Variants in NUP205 observed in about 807,000 individuals in gnomAD.
NUP205 encodes nucleoporin 205.
In NUP205, 76 loss-of-function variants were observed where a neutral mutation model predicts 253.8. That is an observed-to-expected ratio of 0.30 (90% CI 0.25 to 0.36). The LOEUF is 0.36. Ranked by LOEUF, NUP205 falls within the 10% of genes least tolerant of loss-of-function variation. NUP205 has a pLI of 1.00. For missense variants in NUP205, 2,162 were observed against 2,425.5 expected (o/e 0.89, Z 2.28); for synonymous variants, 832 against 850.1 (o/e 0.98, Z 0.37).
intron 7 of NUP205, among the ~76,000 whole-genome samples, chr7:135,584,094 G>A (rs1173443705): frequency 6.6e-6 from 1 of 152,072 alleles, no homozygotes; most frequent in East Asian, 1.9e-4. Context: ...ACAGGCATGA[G>A]CCACCCTGCC....
chr7:135,566,518 A>T (rs567087313), intron 1 of NUP205, among the ~76,000 whole-genome samples: 1 of 152,314 alleles, frequency 6.6e-6, no homozygotes, highest in East Asian at 1.9e-4. Flanking sequence ...AAAGTGTGGG[A>T]CTAAAGCAGG....
intron 36 of NUP205, 148 bp downstream of exon 36, chr7:135,635,805 T>C (rs912675629): frequency 4.1e-6 from 2 of 487,740 alleles, no homozygotes; most frequent in South Asian, 4.2e-5. Flanking sequence ...TATTGCTGCT[T>C]CTTGATTTTC....
In NUP205 at chr7:135,598,050, C is replaced by T; in HGVS notation, c.2117C>T (p.Ala706Val). ...TGTGAAGAATACCCATTGACTCGGG[C>T]CTTTTGCCAGCTTATTAGTACTCTG... is the stretch of plus-strand genomic sequence containing the variant. ...SRCEEYPLTR[A>V]FCQLISTLVE... The change falls in exon 15 of 43, where the codon GCC becomes GTC. Residue 706 changes from alanine (A) to valine (V), a missense_variant. By Grantham distance (64) the Ala-to-Val change is moderately conservative. This residue lies in a region of NUP205 where 892 missense variants were observed against 957.1 expected (regional missense o/e 0.93). Transcript: ENST00000285968. 6.2e-7 allele frequency: 1 copy of T among 1,614,004 alleles called. No individual in the cohort carries two copies. Among genetic ancestry groups the T allele is most frequent in the South Asian group, 1.1e-5 (1 of 91,076 alleles).
chr7:135,570,285 C>G (rs1805920413), intron 1 of NUP205, among the ~76,000 whole-genome samples: 1 of 151,884 alleles, frequency 6.6e-6, no homozygotes, highest in African/African-American at 2.4e-5. Flanking sequence ...ACGATCCTGG[C>G]TCACTGCAAC....
chr7:135,595,246 G>T (rs541434338), intron 13 of NUP205, among the ~76,000 whole-genome samples: 1 of 151,562 alleles, frequency 6.6e-6, no homozygotes, highest in Non-Finnish European at 1.5e-5. Context: ...TTAAGATAGG[G>T]TCTCGCTGTG....
At chr7:135,640,155 C>A (rs1794891394) in intron 38 of NUP205, among the ~76,000 whole-genome samples, 1 of 152,264 alleles carries the variant, frequency 6.6e-6, no homozygotes. Flanking sequence ...CAGCAAACCA[C>A]CATGGCACAT....
At chr7:135,595,588 G>T (rs1584660774) in intron 13 of NUP205, among the ~76,000 whole-genome samples, 1 of 152,046 alleles carries the variant, frequency 6.6e-6, no homozygotes, top group Non-Finnish European at 1.5e-5. Flanking sequence ...TTATTGCCAG[G>T]ACCATAAACT....
intron 34 of NUP205, among the ~76,000 whole-genome samples, chr7:135,629,005 A>AT (rs1176891114): frequency 6.6e-6 from 1 of 152,220 alleles, no homozygotes; most frequent in Non-Finnish European, 1.5e-5. Flanking sequence ...GGACATTATG[A>AT]TATAAGACAC....
intron 11 of NUP205, among the ~76,000 whole-genome samples, chr7:135,591,804 T>G (rs1241676026): frequency 6.6e-6 from 1 of 152,242 alleles, no homozygotes; most frequent in Non-Finnish European, 1.5e-5. Flanking sequence ...GGGAGTTTTG[T>G]CATTCTCCTT....
intron 1 of NUP205, among the ~76,000 whole-genome samples, chr7:135,563,894 C>T (rs1171967011): frequency 6.6e-6 from 1 of 151,820 alleles, no homozygotes; most frequent in African/African-American, 2.4e-5. Context: ...GAAGCTGAGG[C>T]AGGAGGTTGC....
rs1346898777 is a variant in NUP205, at chr7:135,593,175, T to TCTACC, written c.1814_1818dup (p.Ile607LeufsTer25). On this transcript the variant is annotated frameshift_variant, in exon 12 of 43. Coordinates refer to ENST00000285968, the MANE Select transcript of NUP205 (RefSeq NM_015135.3). LOFTEE classifies it high-confidence loss of function. ...ATTGATTGCTTTTTTGCAGCTCACG[T>TCTACC]CTACCATCATTACTTGGGTAGGTAA... The TCTACC allele has an allele frequency of 6.2e-7, 1 of 1,614,102 alleles. No homozygotes were observed. The highest frequency in any genetic ancestry group is 1.7e-5 in the Admixed American group (1 of 60,022).
intron 19 of NUP205, among the ~76,000 whole-genome samples, chr7:135,605,019 T>G (rs1383574203): frequency 1.3e-5 from 2 of 152,162 alleles, no homozygotes; most frequent in Admixed American, 6.5e-5. Flanking sequence ...CATTGTATCT[T>G]TATGTTGGAA....
At chr7:135,602,401 A>G (rs1793985676) in intron 17 of NUP205, among the ~76,000 whole-genome samples, 1 of 152,226 alleles carries the variant, frequency 6.6e-6, no homozygotes, top group African/African-American at 2.4e-5. Context: ...TGTCCTGTGT[A>G]TTGTAAGCTG....
At chr7:135,623,813 C>T (rs1186689424) in intron 31 of NUP205, among the ~76,000 whole-genome samples, 3 of 152,180 alleles carry the variant, frequency 2.0e-5, no homozygotes, top group South Asian at 2.1e-4. Context: ...GATGGAGTCT[C>T]GCTCTGTCGC....
At chr7:135,573,518 A>G (rs1219724945) in intron 2 of NUP205, 136 bp from the exon 3 acceptor site, 1 of 578,400 alleles carries the variant, frequency 1.7e-6, no homozygotes, top group East Asian at 3.0e-5. Context: ...AGTCTGTTCT[A>G]AATTAGCTGA....
In NUP205 at chr7:135,573,673, A is replaced by T. The variant is rs745897694; in HGVS notation, c.191A>T (p.His64Leu). 6.2e-7 allele frequency: 1 copy of T among 1,609,950 alleles called. No individual in the cohort carries two copies. The highest frequency in any genetic ancestry group is 1.3e-5 in the African/African-American group (1 of 74,678). Residue 64 changes from histidine (H) to leucine (L), a missense_variant, in exon 3 of 43, where the codon CAT becomes CTT. By Grantham distance (99) the His-to-Leu change is moderately conservative (BLOSUM62 -3). This residue lies in a region of NUP205 where 109 missense variants were observed against 131.8 expected (regional missense o/e 0.83). Transcript: ENST00000285968. ...FKNPPKNVQQ[H>L]EKVQKASTEG... is the part of the protein sequence containing the mutation. ...TTGTAGCCAAAAAATGTTCAACAGC[A>T]TGAGAAGGTTCAGAAAGCCAGTACA... is the stretch of plus-strand genomic sequence containing the variant.
At chr7:135,597,949 C>T in intron 14 of NUP205, 49 bp from the exon 15 acceptor site, 7 of 1,427,438 alleles carry the variant, frequency 4.9e-6, no homozygotes, top group Non-Finnish European at 6.9e-6. Flanking sequence ...CTCTTCACTT[C>T]ATAGCTAATA....
intron 37 of NUP205, among the ~76,000 whole-genome samples, 164 bp from the exon 38 acceptor site, chr7:135,638,393 C>T (rs1182576638): frequency 4.0e-5 from 5 of 125,886 alleles, no homozygotes; most frequent in Admixed American, 1.8e-4. Context: ...CCAGCCTGGG[C>T]AACAGAGGGA....
Position 135,606,893 on chromosome 7 carries a change from T to A in NUP205, c.3048T>A (p.Ser1016Arg). ...LLGFELKKPV[S>R]TTNLQDPGVL... Reference sequence around the variant, plus strand: ...GCTTTGAATTGAAAAAACCTGTCAGTACTACAAACCTACAAGATCCAGGTA... The same window carrying A: ...GCTTTGAATTGAAAAAACCTGTCAGAACTACAAACCTACAAGATCCAGGTA... Residue 1016 changes from serine (S) to arginine (R), a missense_variant, in exon 21 of 43, where the codon AGT becomes AGA. Ser to Arg is a moderately radical substitution (Grantham distance 110). Around this residue, in one of 5 missense-constraint regions of NUP205, gnomAD observed 1,144 missense variants for 1,280.9 expected, o/e 0.89. Coordinates refer to ENST00000285968, the MANE Select transcript of NUP205 (RefSeq NM_015135.3). 6.2e-7 allele frequency: 1 copy of A among 1,614,018 alleles called. No homozygotes were observed. Among genetic ancestry groups the A allele is most frequent in the Non-Finnish European group, 8.5e-7 (1 of 1,179,932 alleles).
Sources: allele counts gnomAD v4.1 joint callset (sites outside exome capture counted in the v4.1 genomes callset), GRCh38; gene constraint gnomAD v4.1.1; regional missense constraint gnomAD v4.1.1; transcripts MANE v1.5; gene names NCBI Gene and HGNC (gene_info 2026-07-23, HGNC 2026-07-21).